NUSAP1: variants seen among roughly 807,000 people sequenced by gnomAD.
The protein encoded by NUSAP1 is nucleolar and spindle-associated protein 1.
Under a neutral mutation model 52.8 loss-of-function variants are expected in NUSAP1, and 32 were observed. The ratio of observed to expected loss-of-function variants is 0.61; its 90% CI spans 0.46 to 0.81. The LOEUF (loss-of-function observed/expected upper bound fraction) is 0.81. Among genes scored for constraint, NUSAP1 ranks in the 40% least tolerant of loss-of-function variants. NUSAP1 has a pLI of 0.00. For missense variants in NUSAP1, 499 were observed against 522.3 expected (o/e 0.96, Z 0.43); for synonymous variants, 195 against 183.1 (o/e 1.06, Z -0.52).
At chr15:41,378,934 ACTTAT>A (rs936773571) in intron 10 of NUSAP1, among the ~76,000 whole-genome samples, 1 of 108,850 alleles carries the variant, frequency 9.2e-6, no homozygotes, top group Non-Finnish European at 1.9e-5. Context: ...GATTATATTA[ACTTAT>A]CTTGGTTTTT....
At chr15:41,359,682 A>T (rs1170498283) in intron 6 of NUSAP1, among the ~76,000 whole-genome samples, 2 of 148,612 alleles carry the variant, frequency 1.3e-5, no homozygotes, top group Non-Finnish European at 3.0e-5. Context: ...CCCAGACTGG[A>T]GGGCAATGGT....
At chr15:41,344,960 C>A (rs532524068) in intron 2 of NUSAP1, among the ~76,000 whole-genome samples, 19 of 152,046 alleles carry the variant, frequency 1.2e-4, no homozygotes, top group Non-Finnish European at 1.6e-4. Flanking sequence ...GAAAAAAAAA[C>A]CACCGCACTT....
intron 5 of NUSAP1, 125 bp from the exon 6 acceptor site, chr15:41,358,024 C>T (rs1307156323): frequency 1.9e-6 from 1 of 513,908 alleles, no homozygotes; most frequent in Non-Finnish European, 3.5e-6. Context: ...AATGTTTTAG[C>T]AAAAATTATA....
intron 7 of NUSAP1, among the ~76,000 whole-genome samples, chr15:41,370,814 C>A (rs1306827873): frequency 6.7e-6 from 1 of 149,568 alleles, no homozygotes; most frequent in South Asian, 2.1e-4. Context: ...CCCAGCCACT[C>A]GGGAGGCTGA....
Position 41,380,121 on chromosome 15 carries a change from G to C in NUSAP1, c.1261G>C (p.Glu421Gln). Residue 421 changes from glutamate to glutamine, a missense_variant, in exon 11 of 11, where the codon GAA becomes CAA. Physicochemically the swap from Glu to Gln is conservative, Grantham distance 29 (BLOSUM62 2). Transcript: ENST00000559596. ...AGAGCAACGGAAGAAACGCGAGCAA[G>C]AACGAAAGGAGAAGAAAGCAAAGGT... ...KEEQRKKREQ[E>Q]RKEKKAKVLG... The C allele has an allele frequency of 6.3e-7, 1 of 1,588,192 alleles. No individual in the cohort carries two copies. The highest frequency in any genetic ancestry group is 1.2e-5 in the South Asian group (1 of 86,778).
intron 1 of NUSAP1, among the ~76,000 whole-genome samples, chr15:41,341,814 C>T (rs2048376463): frequency 6.6e-6 from 1 of 152,158 alleles, no homozygotes; most frequent in African/African-American, 2.4e-5. Context: ...AGAGACTGCC[C>T]TTTTCTCTGA....
intron 1 of NUSAP1, among the ~76,000 whole-genome samples, chr15:41,339,386 T>C (rs2048290793): frequency 6.6e-6 from 1 of 151,802 alleles, no homozygotes; most frequent in South Asian, 2.1e-4. Context: ...GAAATATGAG[T>C]GTTTATTACA....
intron 7 of NUSAP1, among the ~76,000 whole-genome samples, chr15:41,369,896 T>C (rs2049595856): frequency 6.6e-6 from 1 of 150,610 alleles, no homozygotes. Context: ...TGAAACCCCG[T>C]CTCTGCTAAA....
At chr15:41,375,882 G>C (rs1341288236) in intron 9 of NUSAP1, 54 bp downstream of exon 9, 1 of 1,260,314 alleles carries the variant, frequency 7.9e-7, no homozygotes, top group Non-Finnish European at 1.2e-6. Flanking sequence ...AGATTGGTGG[G>C]ACGCAGTGGC....
At chr15:41,379,058 A>G (rs1197902705) in intron 10 of NUSAP1, among the ~76,000 whole-genome samples, 1 of 137,580 alleles carries the variant, frequency 7.3e-6, no homozygotes, top group Non-Finnish European at 1.5e-5. Context: ...GGTTCAAGTG[A>G]TACTGCTGCC....
chr15:41,373,650 G>GT (rs1162595525), intron 8 of NUSAP1, among the ~76,000 whole-genome samples: 2 of 151,764 alleles, frequency 1.3e-5, no homozygotes, highest in East Asian at 4.0e-4. Context: ...GGGTGTCACC[G>GT]TATTGGCCAG....
intron 1 of NUSAP1, 105 bp from the exon 2 acceptor site, chr15:41,342,281 G>A (rs549920774): frequency 8.1e-6 from 6 of 744,916 alleles, no homozygotes; most frequent in African/African-American, 7.1e-5. Flanking sequence ...TAGTCCTATG[G>A]TCTGACCAGA....
At chr15:41,378,858 G>A (rs1425786953) in intron 10 of NUSAP1, among the ~76,000 whole-genome samples, 1 of 144,816 alleles carries the variant, frequency 6.9e-6, no homozygotes, top group Non-Finnish European at 1.5e-5. Context: ...AGGATCTACT[G>A]AGTTAGCCAT....
intron 7 of NUSAP1, among the ~76,000 whole-genome samples, chr15:41,366,630 G>T (rs538490096): frequency 1.3e-5 from 2 of 152,268 alleles, no homozygotes; most frequent in Admixed American, 1.3e-4. Context: ...ATCATGAATT[G>T]TTTTCCTGAT....
chr15:41,340,011 G>T (rs1272177356), intron 1 of NUSAP1, among the ~76,000 whole-genome samples: 4 of 150,490 alleles, frequency 2.7e-5, no homozygotes, highest in Non-Finnish European at 5.9e-5. Flanking sequence ...AACTTTGGGT[G>T]ATCTTCCTGC....
intron 9 of NUSAP1, among the ~76,000 whole-genome samples, chr15:41,376,260 C>T (rs147727863): frequency 8.9e-4 from 134 of 151,288 alleles, no homozygotes; most frequent in African/African-American, 3.2e-3. Context: ...ATTAGCCTGG[C>T]GTGGTGGCGG....
chr15:41,373,217 A>G (rs1035243776), intron 8 of NUSAP1, among the ~76,000 whole-genome samples: 28 of 151,830 alleles, frequency 1.8e-4, no homozygotes, highest in African/African-American at 6.8e-4. Context: ...AACATGGCAA[A>G]ACCTCGTCTC....
intron 6 of NUSAP1, among the ~76,000 whole-genome samples, chr15:41,361,509 C>A (rs1359184523): frequency 6.6e-6 from 1 of 152,068 alleles, no homozygotes; most frequent in Non-Finnish European, 1.5e-5. Context: ...TCACTTGAGC[C>A]CCAGTGTTGA....
rs144930202 is a variant in NUSAP1 at position 41,380,426 on chromosome 15, C to G, written c.*240C>G. On this transcript the variant is annotated 3_prime_UTR_variant, in exon 11 of 11. Coordinates refer to ENST00000559596, the MANE Select transcript of NUSAP1 (RefSeq NM_016359.5). ...GTCCATTAACAATTCAGGTTTCTAA[C>G]GAGACCCATCCTAAAATTCTGTTTC... The G allele has an allele frequency of 2.9e-3, 855 of 290,328 alleles. 2 individuals are homozygous for G. The highest frequency in any genetic ancestry group is 4.5e-3 in the South Asian group (81 of 18,164). The allele number at this position is 290,328 out of a possible 1,614,324, so 18.0% of individuals were successfully genotyped here.
Sources: allele counts gnomAD v4.1 joint callset (sites outside exome capture counted in the v4.1 genomes callset), GRCh38; gene constraint gnomAD v4.1.1; transcripts MANE v1.5; gene names NCBI Gene and HGNC (gene_info 2026-07-23, HGNC 2026-07-21).